Variants in PDE12 observed in about 807,000 individuals in gnomAD.
PDE12 encodes the protein phosphodiesterase 12, also known as 2',5'-phosphodiesterase 12.
In PDE12, 26 loss-of-function variants were observed where a neutral mutation model predicts 45.4. The observed-to-expected ratio is 0.57, with a 90% CI of 0.42 to 0.79. PDE12 has a LOEUF of 0.79. Among genes scored for constraint, PDE12 ranks in the 30% least tolerant of loss-of-function variants. PDE12 has a pLI of 0.00. For synonymous variants in PDE12, 283 were observed against 323.9 expected (o/e 0.87, Z 1.36); for missense variants, 668 against 790.0 (o/e 0.85, Z 1.85).
chr3:57,602,374 C>G, the PDE12 span, among the ~76,000 whole-genome samples: 1 of 152,136 alleles, frequency 6.6e-6, no homozygotes, highest in Non-Finnish European at 1.5e-5. Flanking sequence ...TCTCTAAACA[C>G]TTATTTATCT....
At chr3:57,591,471 CTTTT>C in the PDE12 span, among the ~76,000 whole-genome samples, 1 of 142,120 alleles carries the variant, frequency 7.0e-6, no homozygotes. Context: ...CTTTTCTTTT[CTTTT>C]TTTTTTTTTG....
chr3:57,589,810 C>G, the PDE12 span, among the ~76,000 whole-genome samples: 2 of 151,000 alleles, frequency 1.3e-5, no homozygotes, highest in Admixed American at 1.3e-4. Context: ...AAGTTAGATC[C>G]AGCCGGGCAC....
the PDE12 span, among the ~76,000 whole-genome samples, chr3:57,603,926 AT>A: frequency 9.0e-3 from 1,124 of 125,356 alleles, 3 homozygotes; most frequent in African/African-American, 0.023. Context: ...CCAGCCCAGA[AT>A]TTTTTTTTTT....
chr3:57,585,826 G>A, the PDE12 span, among the ~76,000 whole-genome samples: 3 of 151,810 alleles, frequency 2.0e-5, no homozygotes, highest in African/African-American at 7.3e-5. Flanking sequence ...CCACACCCCA[G>A]CTAATTTGTA....
At chr3:57,572,285 G>T in the PDE12 span, 2 of 1,613,366 alleles carry the variant, frequency 1.2e-6, no homozygotes, top group Non-Finnish European at 1.7e-6. Flanking sequence ...TGCACAAGTG[G>T]CTTGAACATA....
the PDE12 span, among the ~76,000 whole-genome samples, chr3:57,595,784 T>C: frequency 6.6e-6 from 1 of 152,050 alleles, no homozygotes; most frequent in Non-Finnish European, 1.5e-5. Flanking sequence ...CCCCCGTCTC[T>C]ACTAATAATA....
chr3:57,559,079 G>A (rs1189751159), intron 1 of PDE12, among the ~76,000 whole-genome samples: 1 of 151,718 alleles, frequency 6.6e-6, no homozygotes, highest in African/African-American at 2.4e-5. Context: ...AAATTAGCCG[G>A]GCGTGGTGGC....
chr3:57,631,559 C>T, the PDE12 span, among the ~76,000 whole-genome samples: 1 of 152,004 alleles, frequency 6.6e-6, no homozygotes, highest in African/African-American at 2.4e-5. Context: ...ATAATGCACT[C>T]AACATTTTAC....
chr3:57,638,651 C>G, the PDE12 span, among the ~76,000 whole-genome samples: 1 of 151,666 alleles, frequency 6.6e-6, no homozygotes, highest in East Asian at 1.9e-4. Flanking sequence ...GGTGAGACTC[C>G]GTTTCAAAAA....
the PDE12 span, among the ~76,000 whole-genome samples, chr3:57,651,193 C>A: frequency 1.3e-5 from 2 of 152,198 alleles, no homozygotes; most frequent in African/African-American, 4.8e-5. Flanking sequence ...AAAAGCAGTA[C>A]GCATTCAGTA....
At position 57,557,516 on chromosome 3, in the gene PDE12, C is replaced by G. The variant is rs1559776913; in HGVS notation, c.1137C>G (p.His379Gln). Reference sequence around the variant, plus strand: ...AGGGGGTGTTTCGAATCAAGCAGCACGAAGGCCTGGCCACTTTCTACCGAA... The same window carrying G: ...AGGGGGTGTTTCGAATCAAGCAGCAGGAAGGCCTGGCCACTTTCTACCGAA... ...GLEGVFRIKQ[H>Q]EGLATFYRKS... is the part of the protein sequence containing the mutation. The change falls in exon 1 of 3, where the codon CAC becomes CAG. Residue 379 changes from histidine (H) to glutamine (Q), a missense_variant. This residue lies in a region of PDE12 where 580 missense variants were observed against 662.9 expected (regional missense o/e 0.87). Transcript: ENST00000311180. The G allele has an allele frequency of 6.2e-7, 1 of 1,614,068 alleles. No individual in the cohort carries two copies. Among genetic ancestry groups the G allele is most frequent in the African/African-American group, 1.3e-5 (1 of 75,010 alleles).
the PDE12 span, among the ~76,000 whole-genome samples, chr3:57,635,025 T>C: frequency 6.6e-6 from 1 of 152,230 alleles, no homozygotes; most frequent in South Asian, 2.1e-4. Context: ...TTAATATCTA[T>C]CATTACTTAA....
Position 57,556,760 on chromosome 3 carries a change from C to T in PDE12, c.381C>T (p.Tyr127=). The change falls in exon 1 of 3, where the codon TAC becomes TAT. Residue 127 remains tyrosine (Y), a synonymous_variant. Coordinates refer to ENST00000311180, the MANE Select transcript of PDE12 (RefSeq NM_177966.7). The surrounding 1 kb of genome is among the most constrained non-coding windows in gnomAD (Gnocchi z 5.0). ...VFCEPVVKLY[Y]REEAVAEDVL... ...GCGAGCCCGTGGTGAAGCTGTACTA[C>T]CGGGAAGAGGCAGTGGCTGAGGACG... 19 of 1,606,776 alleles carry T rather than the reference C, an allele frequency of 1.2e-5. No individual in the cohort carries two copies. The highest frequency in any genetic ancestry group is 1.6e-5 in the Non-Finnish European group (19 of 1,174,934).
chr3:57,574,235 G>A, the PDE12 span, among the ~76,000 whole-genome samples: 1 of 151,878 alleles, frequency 6.6e-6, no homozygotes, highest in African/African-American at 2.4e-5. Flanking sequence ...CACTGCACCC[G>A]GCCTGCAATA....
At chr3:57,595,645 A>G in the PDE12 span, among the ~76,000 whole-genome samples, 2 of 152,192 alleles carry the variant, frequency 1.3e-5, no homozygotes, top group African/African-American at 4.8e-5. Flanking sequence ...TGATGGTAGT[A>G]CAGCTCTAAA....
chr3:57,647,811 G>C, the PDE12 span, among the ~76,000 whole-genome samples: 1 of 150,576 alleles, frequency 6.6e-6, no homozygotes, highest in East Asian at 2.0e-4. Flanking sequence ...ATGTGGTCTA[G>C]TGGGACAGAG....
chr3:57,632,011 C>T, the PDE12 span, among the ~76,000 whole-genome samples: 25 of 141,892 alleles, frequency 1.8e-4, no homozygotes, highest in African/African-American at 3.4e-4. Flanking sequence ...CGTGAGCCAC[C>T]GCGCCCGGCC....
chr3:57,631,021 A>C, the PDE12 span: 1 of 1,581,434 alleles, frequency 6.3e-7, no homozygotes, highest in African/African-American at 1.4e-5. Flanking sequence ...GTCTTCAAAA[A>C]TATTTAAACA....
At chr3:57,624,050 T>C in the PDE12 span, among the ~76,000 whole-genome samples, 1 of 152,182 alleles carries the variant, frequency 6.6e-6, no homozygotes, top group Non-Finnish European at 1.5e-5. Context: ...TGAAGTGGCA[T>C]GATCACAGCT....
Sources: allele counts gnomAD v4.1 joint callset (sites outside exome capture counted in the v4.1 genomes callset), GRCh38; gene constraint gnomAD v4.1.1; regional missense constraint gnomAD v4.1.1; non-coding constraint Gnocchi (gnomAD v3.1); transcripts MANE v1.5; gene names NCBI Gene and HGNC (gene_info 2026-07-23, HGNC 2026-07-21).